The following PHKG2 variants were observed in gnomAD, a reference collection of about 807,000 sequenced individuals.
PHKG2 encodes the protein phosphorylase b kinase gamma catalytic chain, liver/testis isoform.
Under a neutral mutation model 44.5 loss-of-function variants are expected in PHKG2, and 28 were observed. The observed-to-expected ratio is 0.63, with a 90% confidence interval of 0.47 to 0.86. The LOEUF (loss-of-function observed/expected upper bound fraction) is 0.86. Ranked by LOEUF, PHKG2 falls within the 40% of genes least tolerant of loss-of-function variation. The probability of loss-of-function intolerance (pLI) is 0.00; values close to 1 mark genes in which losing one functional copy is unlikely to be tolerated. For synonymous variants in PHKG2, 220 were observed against 211.2 expected, an observed-to-expected ratio of 1.04 and a Z score of -0.36; for missense variants, 498 against 547.5, an observed-to-expected ratio of 0.91 and a Z score of 0.90.
chr16:30,760,722 C>T lies in PHKG2; in HGVS notation c.*3625C>T. The stretch of plus-strand genomic sequence containing the variant: ...GTGGCCGTTACCTATCATGACAAGG[C>T]TGTGACAGCTAGTGCGTGAGACTGG... On this transcript the variant is annotated 3_prime_UTR_variant, in exon 10 of 10. Coordinates refer to ENST00000563588, the MANE Select transcript of PHKG2 (RefSeq NM_000294.3). 1 of 1,483,382 alleles carries T rather than the reference C, an allele frequency of 6.7e-7. No individual in the cohort carries two copies. The allele number at this position is 1,483,382 out of a possible 1,614,324, so 91.9% of individuals were successfully genotyped here. A position where few individuals can be genotyped will look rare whatever the true frequency, so the allele number is the denominator to read the frequency against.
chr16:30,753,589 G>A, intron 6 of PHKG2, 32 bp downstream of exon 6: 5 of 1,608,568 alleles, frequency 3.1e-6, no homozygotes, highest in Non-Finnish European at 4.3e-6. Context: ...ATAGGCTTGG[G>A]AGGGGAGACC....
At position 30,759,908 on chromosome 16, in the gene PHKG2, G is replaced by A. The variant is rs2053630733; in HGVS notation, c.*2811G>A. ...ACTATATGCCCACTGTATGGTTTTC[G>A]GCACTGAACAAGACAGACAAGGTCC... On this transcript the variant is annotated 3_prime_UTR_variant, in exon 10 of 10. Coordinates refer to ENST00000563588, the MANE Select transcript of PHKG2 (RefSeq NM_000294.3). The A allele has an allele frequency of 4.2e-6, 6 of 1,439,708 alleles. No homozygotes were observed. Among genetic ancestry groups the A allele is most frequent in the South Asian group, 3.0e-5 (2 of 66,678 alleles). The allele number at this position is 1,439,708 out of a possible 1,614,324, so 89.2% of individuals were successfully genotyped here.
intron 4 of PHKG2, chr16:30,751,890 G>C: frequency 2.4e-6 from 1 of 410,962 alleles, no homozygotes; most frequent in Non-Finnish European, 4.6e-6. Flanking sequence ...TCAGGAGATC[G>C]AGACCATCCT....
At chr16:30,753,318 C>A (rs749420596) in intron 5 of PHKG2, 21 bp downstream of exon 5, 172 of 1,613,740 alleles carry the variant, frequency 1.1e-4, no homozygotes, top group Middle Eastern at 3.3e-4. Flanking sequence ...AGCCTGAAGC[C>A]CCAGGGGTGA....
chr16:30,753,175 G>C (rs780269438), intron 4 of PHKG2, 57 bp from the exon 5 acceptor site: 13 of 1,378,286 alleles, frequency 9.4e-6, no homozygotes, highest in African/African-American at 7.1e-5. Context: ...GCACTGGTCT[G>C]TTTTCTCAGC....
Position 30,757,666 on chromosome 16 carries a change from G to A in PHKG2, c.*569G>A, listed in dbSNP as rs751109759. On this transcript the variant is annotated 3_prime_UTR_variant, in exon 10 of 10. Transcript: ENST00000563588. ...GACGTGGATGTGGCCTGCAGGGGCA[G>A]GGAAGAAGGGGCAGGGTGAGGAGAG... The A allele has an allele frequency of 6.2e-7, 1 of 1,605,432 alleles. No homozygotes were observed. The highest frequency in any genetic ancestry group is 8.5e-7 in the Non-Finnish European group (1 of 1,174,420).
At position 30,759,070 on chromosome 16, in the gene PHKG2, C is replaced by G. The variant is rs1450943102; in HGVS notation, c.*1973C>G. 1 of 1,614,230 alleles carries G rather than the reference C, an allele frequency of 6.2e-7. No homozygotes were observed. The highest frequency in any genetic ancestry group is 8.5e-7 in the Non-Finnish European group (1 of 1,180,044). ...GTTCCTCTTTCTGCGGGGTAACTGC[C>G]TGCTCCTCCATCTCCTTGCTTTCTT... On this transcript the variant is annotated 3_prime_UTR_variant, in exon 10 of 10. Transcript: ENST00000563588.
In PHKG2 at chr16:30,759,689, A is replaced by G. The variant is rs1379083529; in HGVS notation, c.*2592A>G. On this transcript the variant is annotated 3_prime_UTR_variant, in exon 10 of 10. Coordinates refer to ENST00000563588, the MANE Select transcript of PHKG2 (RefSeq NM_000294.3). ...TGGCAAAAAAGGACACTGGTGAAGT[A>G]GCGGTAGCACTCCTCCACGTTGCCC... is the stretch of plus-strand genomic sequence containing the variant. The G allele has an allele frequency of 6.2e-7, 1 of 1,613,850 alleles. No individual in the cohort carries two copies.
At position 30,755,607 on chromosome 16, in the gene PHKG2, C is replaced by T. The variant is rs2053408890; in HGVS notation, c.557-575C>T. 2.6e-5 allele frequency among the ~76,000 whole-genome samples: 4 copies of T among 151,810 alleles called. No homozygotes were observed. In the South Asian group the frequency reaches 6.2e-4, roughly 24 times the overall value. ...AGGAGAATCGCTTGAACCCAGGAGG[C>T]GGAGGTTACATTGAGCCGAGATCAT... is the stretch of plus-strand genomic sequence containing the variant. On this transcript the variant is annotated intron_variant, in intron 6 of 9. Transcript: ENST00000563588.
At position 30,760,025 on chromosome 16, in the gene PHKG2, C is replaced by T. The variant is rs2053642077; in HGVS notation, c.*2928C>T. 6.7e-7 allele frequency: 1 copy of T among 1,492,632 alleles called. No homozygotes were observed. The highest frequency in any genetic ancestry group is 1.4e-5 in the African/African-American group (1 of 71,402). The allele number at this position is 1,492,632 out of a possible 1,614,324, so 92.5% of individuals were successfully genotyped here. A position where few individuals can be genotyped will look rare whatever the true frequency, so the allele number is the denominator to read the frequency against. ...TCTGAAGCAAGAGCTATTAAACATTCTAAAGCAGGTGTTATTGTGCACTAT... is the reference window on the plus strand; with the variant it reads ...TCTGAAGCAAGAGCTATTAAACATTTTAAAGCAGGTGTTATTGTGCACTAT... On this transcript the variant is annotated 3_prime_UTR_variant, in exon 10 of 10. Coordinates refer to ENST00000563588, the MANE Select transcript of PHKG2 (RefSeq NM_000294.3).
intron 4 of PHKG2, among the ~76,000 whole-genome samples, chr16:30,752,208 G>C: frequency 6.9e-6 from 1 of 144,026 alleles, no homozygotes; most frequent in Non-Finnish European, 1.5e-5. Context: ...GACCAGCCTG[G>C]ACAACATGGC....
At chr16:30,752,406 G>C (rs2053363986) in intron 4 of PHKG2, 1 of 150,588 alleles carries the variant, frequency 6.6e-6, no homozygotes, top group Non-Finnish European at 1.5e-5. Flanking sequence ...AAAAAAGAGA[G>C]TGTTCAGCAG....
In PHKG2 at chr16:30,760,593, C is replaced by A; in HGVS notation, c.*3496C>A. 5 of 1,560,218 alleles carry A rather than the reference C, an allele frequency of 3.2e-6. No individual in the cohort carries two copies. Among genetic ancestry groups the A allele is most frequent in the Non-Finnish European group, 4.3e-6 (5 of 1,151,438 alleles). On this transcript the variant is annotated 3_prime_UTR_variant, in exon 10 of 10. Transcript: ENST00000563588. ...TTGCCAAGAGCTCTTCCCACGCCCC[C>A]CTCAGTCCCTACTCCCTCATCTCAG...
Position 30,758,963 on chromosome 16 carries a change from C to T in PHKG2, c.*1866C>T, listed in dbSNP as rs1187361968. The T allele has an allele frequency of 3.7e-6, 6 of 1,610,246 alleles. No homozygotes were observed. Among genetic ancestry groups the T allele is most frequent in the Non-Finnish European group, 5.1e-6 (6 of 1,178,364 alleles). ...CCTGATGTCATCCAAACCCTTCATT[C>T]TACACCTGCTCAGAGGGACAGGGCA... On this transcript the variant is annotated 3_prime_UTR_variant, in exon 10 of 10. Transcript: ENST00000563588.
At chr16:30,753,358 C>T (rs752115033) in intron 5 of PHKG2, 36 bp from the exon 6 acceptor site, 9 of 1,613,226 alleles carry the variant, frequency 5.6e-6, no homozygotes, top group African/African-American at 1.3e-5. Context: ...AGGGAGGAGC[C>T]GAGGAGGAGA....
At position 30,760,588 on chromosome 16, in the gene PHKG2, G is replaced by T; in HGVS notation, c.*3491G>T. 1 of 1,560,832 alleles carries T rather than the reference G, an allele frequency of 6.4e-7. No homozygotes were observed. The highest frequency in any genetic ancestry group is 8.7e-7 in the Non-Finnish European group (1 of 1,151,850). On this transcript the variant is annotated 3_prime_UTR_variant, in exon 10 of 10. Coordinates refer to ENST00000563588, the MANE Select transcript of PHKG2 (RefSeq NM_000294.3). ...AGCCTTTGCCAAGAGCTCTTCCCAC[G>T]CCCCCCTCAGTCCCTACTCCCTCAT...
chr16:30,751,293 T>C lies in PHKG2; in HGVS notation c.271+12T>C. ...CCACCCCCACATCAGTGAGGCTGTC[T>C]TCCTTGCTCCTGTTAGCAGACGACC... is the stretch of plus-strand genomic sequence containing the variant. On this transcript the variant is annotated intron_variant, in intron 3 of 9. Coordinates refer to ENST00000563588, the MANE Select transcript of PHKG2 (RefSeq NM_000294.3). 1 of 1,607,898 alleles carries C rather than the reference T, an allele frequency of 6.2e-7. No individual in the cohort carries two copies. The highest frequency in any genetic ancestry group is 8.5e-7 in the Non-Finnish European group (1 of 1,179,908).
Position 30,756,264 on chromosome 16 carries a change from G to A in PHKG2, c.639G>A (p.Glu213=), listed in dbSNP as rs774446283. 1 of 1,614,118 alleles carries A rather than the reference G, an allele frequency of 6.2e-7. No homozygotes were observed. Among genetic ancestry groups the A allele is most frequent in the Non-Finnish European group, 8.5e-7 (1 of 1,179,972 alleles). ...AAACCCACCCAGGCTATGGCAAGGAGGTCGACCTGTGAGTTCCTGGTCTCC... is the reference window on the plus strand; with the variant it reads ...AAACCCACCCAGGCTATGGCAAGGAAGTCGACCTGTGAGTTCCTGGTCTCC... ...MDETHPGYGK[E]VDLWACGVIL... Residue 213 remains glutamate, a synonymous_variant, in exon 7 of 10, where the codon GAG becomes GAA. Transcript: ENST00000563588.
chr16:30,748,769 C>T (rs2053289199), intron 1 of PHKG2, 34 bp from the exon 2 acceptor site: 3 of 1,336,508 alleles, frequency 2.2e-6, no homozygotes, highest in Non-Finnish European at 3.1e-6. Flanking sequence ...GCCTGTGGGC[C>T]TCCCTGCCCT....
Sources: gnomAD v4.1 joint callset for allele counts (sites outside exome capture counted in the v4.1 genomes callset) on GRCh38, gnomAD v4.1.1 for gene constraint, MANE v1.5 for transcripts, NCBI Gene and HGNC (gene_info 2026-07-23, HGNC 2026-07-21) for gene names.